CADM2: variants seen among roughly 807,000 people sequenced by gnomAD.
The protein encoded by CADM2 is immunoglobulin superfamily member 4D.
A neutral mutation model predicts 49.8 loss-of-function variants in CADM2; 12 were observed. The observed-to-expected ratio is 0.24, with a 90% CI of 0.15 to 0.39. The LOEUF is 0.39. CADM2 is among the 10% of genes least tolerant of loss of function. The pLI is 1.00. For synonymous variants in CADM2, 214 were observed against 175.4 expected, an observed-to-expected ratio of 1.22 and a Z score of -1.74; for missense variants, 378 against 492.3, an observed-to-expected ratio of 0.77 and a Z score of 2.20.
At chr3:85,920,493 G>A (rs1718960262) in intron 6 of CADM2, among the ~76,000 whole-genome samples, 3 of 151,762 alleles carry the variant, frequency 2.0e-5, no homozygotes, top group African/African-American at 7.2e-5. Context: ...ATGCTGTTTA[G>A]TAAGAGATGC....
chr3:85,796,319 T>C lies in CADM2; in HGVS notation c.89-5728T>C, dbSNP rs144790680. ...CTGGTAATTATTTCTTCTTTCTGTCTTACATCATGTTTTCTCTGATGTGGT... is the reference window on the plus strand; with the variant it reads ...CTGGTAATTATTTCTTCTTTCTGTCCTACATCATGTTTTCTCTGATGTGGT... On this transcript the variant is annotated intron_variant, in intron 2 of 9. Transcript: ENST00000383699. 6.9e-3 allele frequency among the ~76,000 whole-genome samples: 1,044 copies of C among 152,280 alleles called. 7 individuals carry two copies. The highest frequency in any genetic ancestry group is 0.02 in the Middle Eastern group (6 of 294).
intron 1 of CADM2, chr3:85,511,976 A>C (rs1025188552): frequency 1.4e-6 from 1 of 694,032 alleles, no homozygotes; most frequent in East Asian, 1.3e-4. Context: ...TTTGAAAAAA[A>C]TGTTTTAAAG....
chr3:85,138,963 A>G (rs2039498401), intron 1 of CADM2, among the ~76,000 whole-genome samples: 2 of 152,200 alleles, frequency 1.3e-5, no homozygotes. Flanking sequence ...GAAAAATGGT[A>G]GAAACAGTGG....
intron 1 of CADM2, among the ~76,000 whole-genome samples, chr3:85,381,228 G>T (rs922404780): frequency 1.3e-5 from 2 of 151,714 alleles, no homozygotes; most frequent in Non-Finnish European, 2.9e-5. Flanking sequence ...GCAGGTTTTG[G>T]AATAAAAATA....
chr3:85,762,696 C>T (rs1436000757), intron 2 of CADM2, among the ~76,000 whole-genome samples: 1 of 151,110 alleles, frequency 6.6e-6, no homozygotes, highest in Non-Finnish European at 1.5e-5. Flanking sequence ...AAATAATGTA[C>T]TATATATATG....
chr3:86,002,332 T>A (rs1054210319), intron 8 of CADM2, among the ~76,000 whole-genome samples: 1 of 152,212 alleles, frequency 6.6e-6, no homozygotes, highest in Non-Finnish European at 1.5e-5. Flanking sequence ...AAGGTTATTA[T>A]TCTTTTGAGT....
intron 1 of CADM2, among the ~76,000 whole-genome samples, chr3:85,567,161 T>G (rs1490218982): frequency 6.6e-6 from 1 of 152,114 alleles, no homozygotes; most frequent in African/African-American, 2.4e-5. Flanking sequence ...GGTGGAGGGT[T>G]TTAAAGCACA....
At chr3:85,255,436 G>A (rs2042863591) in intron 1 of CADM2, among the ~76,000 whole-genome samples, 1 of 151,990 alleles carries the variant, frequency 6.6e-6, no homozygotes, top group Non-Finnish European at 1.5e-5. Flanking sequence ...TTCTCTTGTG[G>A]AATGAATGAA....
Position 85,436,067 on chromosome 3 carries a change from T to C in CADM2, c.62-290455T>C, listed in dbSNP as rs533133385. ...CAATTTTGGCTTTTATTGTCATTGCTTTTGGTGTTTTAGTTGTGAAGCCTT... is the reference window on the plus strand; with the variant it reads ...CAATTTTGGCTTTTATTGTCATTGCCTTTGGTGTTTTAGTTGTGAAGCCTT... On this transcript the variant is annotated intron_variant, in intron 1 of 9. Coordinates refer to ENST00000383699, the MANE Select transcript of CADM2 (RefSeq NM_001167675.2). 2.6e-5 allele frequency among the ~76,000 whole-genome samples: 4 copies of C among 152,272 alleles called. No individual in the cohort carries two copies. In the South Asian group the frequency reaches 8.3e-4, roughly 32 times the overall value.
chr3:85,017,429 T>G (rs2034301420), intron 1 of CADM2, among the ~76,000 whole-genome samples: 1 of 152,226 alleles, frequency 6.6e-6, no homozygotes. Context: ...AACTGTGATC[T>G]GATGAAGCAA....
chr3:85,696,290 G>T (rs894552418), intron 1 of CADM2, among the ~76,000 whole-genome samples: 8 of 151,798 alleles, frequency 5.3e-5, no homozygotes, highest in African/African-American at 1.9e-4. Flanking sequence ...TTTATTTATT[G>T]TTATTTTGAT....
intron 1 of CADM2, among the ~76,000 whole-genome samples, chr3:85,264,045 A>G (rs555601097): frequency 6.6e-6 from 1 of 151,952 alleles, no homozygotes; most frequent in Non-Finnish European, 1.5e-5. Context: ...GAGTTAGAAA[A>G]TTTTTCAGGT....
chr3:85,663,252 G>T (rs1319310550), intron 1 of CADM2, among the ~76,000 whole-genome samples: 1 of 151,990 alleles, frequency 6.6e-6, no homozygotes, highest in African/African-American at 2.4e-5. Context: ...CTCCCTTGAA[G>T]TGAAATAAAG....
chr3:85,954,817 GACTCTT>G (rs1365992463), intron 7 of CADM2, among the ~76,000 whole-genome samples: 2 of 151,142 alleles, frequency 1.3e-5, no homozygotes, highest in Non-Finnish European at 3.0e-5. Context: ...ATTATGCATA[GACTCTT>G]ACTATAATTT....
chr3:85,572,624 G>A lies in CADM2; in HGVS notation c.62-153898G>A, dbSNP rs1428900314. 2.0e-5 allele frequency among the ~76,000 whole-genome samples: 3 copies of A among 152,128 alleles called. No individual in the cohort carries two copies. The East Asian group carries it at 5.8e-4, about 29-fold the overall frequency. ...GTCCAAAGGCCTCAGAACAAGAAAA[G>A]CCAATGGTATAACTCTTGGTCTGAG... is the stretch of plus-strand genomic sequence containing the variant. On this transcript the variant is annotated intron_variant, in intron 1 of 9. Transcript: ENST00000383699.
intron 3 of CADM2, among the ~76,000 whole-genome samples, chr3:85,829,208 C>G (rs2074067301): frequency 2.0e-5 from 3 of 151,794 alleles, no homozygotes; most frequent in African/African-American, 7.3e-5. Context: ...TTAATAGTAG[C>G]CATTCAAGAT....
intron 7 of CADM2, 100 bp from the exon 8 acceptor site, chr3:85,961,369 T>A: frequency 9.6e-7 from 1 of 1,036,270 alleles, no homozygotes; most frequent in Non-Finnish European, 1.4e-6. Context: ...TATGGTTGTG[T>A]ACAAAATACA....
intron 3 of CADM2, among the ~76,000 whole-genome samples, chr3:85,862,563 T>G (rs1284586837): frequency 6.6e-6 from 1 of 152,184 alleles, no homozygotes; most frequent in South Asian, 2.1e-4. Context: ...GTTTATTTTA[T>G]CCAGGGTAAT....
At chr3:85,023,991 G>C (rs1208213290) in intron 1 of CADM2, among the ~76,000 whole-genome samples, 1 of 151,968 alleles carries the variant, frequency 6.6e-6, no homozygotes, top group Non-Finnish European at 1.5e-5. Context: ...TCAAAAATAA[G>C]AAACAAACTT....
Sources: gnomAD v4.1 joint callset for allele counts (sites outside exome capture counted in the v4.1 genomes callset) on GRCh38, gnomAD v4.1.1 for gene constraint, MANE v1.5 for transcripts, NCBI Gene and HGNC (gene_info 2026-07-23, HGNC 2026-07-21) for gene names.